PPP3CA: variants seen among roughly 807,000 people sequenced by gnomAD.
PPP3CA encodes the protein CAM-PRP catalytic subunit.
A neutral mutation model predicts 66.5 loss-of-function variants in PPP3CA; 14 were observed. The ratio of observed to expected loss-of-function variants is 0.21; its 90% CI spans 0.14 to 0.33. PPP3CA has a LOEUF of 0.33. PPP3CA is among the 10% of genes least tolerant of loss of function. The probability of loss-of-function intolerance (pLI) is 1.00; values close to 1 mark genes in which losing one functional copy is unlikely to be tolerated. For missense variants in PPP3CA, 317 were observed against 639.5 expected (o/e 0.50, Z 5.44); for synonymous variants, 232 against 226.2 (o/e 1.03, Z -0.23).
At chr4:101,220,342 T>A (rs1333101032) in intron 1 of PPP3CA, among the ~76,000 whole-genome samples, 1 of 151,182 alleles carries the variant, frequency 6.6e-6, no homozygotes, top group Non-Finnish European at 1.5e-5. Context: ...GCTAAAATAA[T>A]GGTCAAATGA....
At chr4:101,078,231 A>C (rs1192800258) in intron 8 of PPP3CA, among the ~76,000 whole-genome samples, 1 of 152,200 alleles carries the variant, frequency 6.6e-6, no homozygotes, top group African/African-American at 2.4e-5. Context: ...TCATGGTGAG[A>C]CTGGGATATA....
intron 3 of PPP3CA, among the ~76,000 whole-genome samples, chr4:101,106,473 A>AG (rs1560605300): frequency 9.2e-5 from 4 of 43,260 alleles, no homozygotes; most frequent in African/African-American, 4.9e-4. Context: ...AAGAAAAGAA[A>AG]AGAAAAGAAA....
intron 2 of PPP3CA, among the ~76,000 whole-genome samples, chr4:101,138,793 T>G (rs1487766725): frequency 6.6e-6 from 1 of 152,202 alleles, no homozygotes; most frequent in Non-Finnish European, 1.5e-5. Context: ...ATTTTACATA[T>G]GGTTACATAC....
intron 3 of PPP3CA, among the ~76,000 whole-genome samples, chr4:101,106,129 C>T (rs1478812844): frequency 6.6e-6 from 1 of 151,728 alleles, no homozygotes; most frequent in Non-Finnish European, 1.5e-5. Context: ...TGGAGACCAG[C>T]CTGGGCAACT....
intron 2 of PPP3CA, among the ~76,000 whole-genome samples, chr4:101,153,615 C>T (rs539430922): frequency 5.6e-4 from 85 of 152,272 alleles, no homozygotes; most frequent in Non-Finnish European, 8.2e-4. Flanking sequence ...GAGATCTTGT[C>T]AGAGCTTAAT....
intron 2 of PPP3CA, among the ~76,000 whole-genome samples, chr4:101,178,122 T>G (rs930601255): frequency 2.0e-5 from 3 of 152,104 alleles, no homozygotes; most frequent in African/African-American, 7.2e-5. Context: ...GCACAGAAGT[T>G]TAAATGAGGA....
chr4:101,259,860 A>G (rs1290768115), intron 1 of PPP3CA, among the ~76,000 whole-genome samples: 1 of 152,104 alleles, frequency 6.6e-6, no homozygotes, highest in Non-Finnish European at 1.5e-5. Context: ...CTCCCACTTT[A>G]TCAGCTTCAT....
chr4:101,200,680 C>T (rs1281632766), intron 1 of PPP3CA, among the ~76,000 whole-genome samples: 1 of 152,074 alleles, frequency 6.6e-6, no homozygotes, highest in Non-Finnish European at 1.5e-5. Flanking sequence ...AGCAGTGTGC[C>T]TCCTTTCTCC....
intron 1 of PPP3CA, among the ~76,000 whole-genome samples, chr4:101,253,132 T>C (rs143892137): frequency 6.6e-6 from 1 of 152,250 alleles, no homozygotes; most frequent in Admixed American, 6.5e-5. Context: ...CAAAACAACA[T>C]ACTGAGATTG....
chr4:101,285,591 C>CTGTGTG (rs1394871373), intron 1 of PPP3CA, among the ~76,000 whole-genome samples: 47 of 131,854 alleles, frequency 3.6e-4, no homozygotes, highest in African/African-American at 1.4e-3. Flanking sequence ...TCAAATGCCA[C>CTGTGTG]TGTGTGTATG....
At chr4:101,073,361 C>T (rs981056990) in intron 8 of PPP3CA, among the ~76,000 whole-genome samples, 2 of 151,474 alleles carry the variant, frequency 1.3e-5, no homozygotes, top group Non-Finnish European at 2.9e-5. Flanking sequence ...ACTGCAACCT[C>T]GGCCTCCCGG....
chr4:101,054,746 T>C (rs1356908959), intron 10 of PPP3CA, among the ~76,000 whole-genome samples: 1 of 152,022 alleles, frequency 6.6e-6, no homozygotes, highest in Non-Finnish European at 1.5e-5. Context: ...TTTTCTGGTA[T>C]AGGACATAGA....
At chr4:101,133,560 G>A (rs1722518885) in intron 2 of PPP3CA, among the ~76,000 whole-genome samples, 1 of 152,054 alleles carries the variant, frequency 6.6e-6, no homozygotes, top group Admixed American at 6.6e-5. Flanking sequence ...ACCTCTTCAA[G>A]CAGAACTACA....
intron 1 of PPP3CA, among the ~76,000 whole-genome samples, chr4:101,229,602 T>C (rs1447077117): frequency 1.3e-5 from 2 of 151,582 alleles, no homozygotes; most frequent in Non-Finnish European, 3.0e-5. Flanking sequence ...CTAGGGAGTT[T>C]GGCAGTATGG....
chr4:101,182,515 T>C (rs979101719), intron 2 of PPP3CA, among the ~76,000 whole-genome samples: 7 of 149,374 alleles, frequency 4.7e-5, no homozygotes, highest in African/African-American at 1.5e-4. Context: ...ATACCTCAGA[T>C]AGATCAAATT....
intron 2 of PPP3CA, among the ~76,000 whole-genome samples, chr4:101,155,993 T>TA (rs768282073): frequency 3.3e-5 from 5 of 152,172 alleles, no homozygotes; most frequent in Admixed American, 6.5e-5. Context: ...CAGGGACCCT[T>TA]ACATGCATTT....
At chr4:101,213,981 C>T (rs532709696) in intron 1 of PPP3CA, among the ~76,000 whole-genome samples, 3 of 152,178 alleles carry the variant, frequency 2.0e-5, no homozygotes, top group South Asian at 4.1e-4. Flanking sequence ...CAGATGTAGG[C>T]GCTCCCATCT....
intron 2 of PPP3CA, among the ~76,000 whole-genome samples, chr4:101,193,656 G>A (rs772521495): frequency 7.2e-5 from 11 of 152,104 alleles, no homozygotes; most frequent in Non-Finnish European, 1.3e-4. Flanking sequence ...AGGGGACTAG[G>A]CGGCTTCCTG....
intron 2 of PPP3CA, among the ~76,000 whole-genome samples, chr4:101,182,619 C>A (rs555083908): frequency 2.0e-5 from 3 of 152,060 alleles, no homozygotes; most frequent in Non-Finnish European, 1.5e-5. Context: ...ACAGGGTTTG[C>A]GGCAGGGACT....
Sources: gnomAD v4.1 joint callset for allele counts (sites outside exome capture counted in the v4.1 genomes callset) on GRCh38, gnomAD v4.1.1 for gene constraint, MANE v1.5 for transcripts, NCBI Gene and HGNC (gene_info 2026-07-23, HGNC 2026-07-21) for gene names.